ZFPM2: variants seen among roughly 807,000 people sequenced by gnomAD.
ZFPM2 encodes the protein zinc finger protein ZFPM2.
A neutral mutation model predicts 98.6 loss-of-function variants in ZFPM2; 20 were observed. That is an observed-to-expected ratio of 0.20 (90% confidence interval 0.14 to 0.29). The LOEUF is 0.29. Ranked by LOEUF, ZFPM2 falls within the 10% of genes least tolerant of loss-of-function variation. The pLI is 1.00. For missense variants in ZFPM2, 1,310 were observed against 1,388.6 expected (o/e 0.94, Z 0.90); for synonymous variants, 518 against 502.7 (o/e 1.03, Z -0.41).
At chr8:105,458,214 G>T (rs1385925407) in intron 3 of ZFPM2, among the ~76,000 whole-genome samples, 2 of 152,144 alleles carry the variant, frequency 1.3e-5, no homozygotes, top group Non-Finnish European at 2.9e-5. Context: ...GCAAAGTGTT[G>T]CATGTTTTCA....
chr8:105,510,226 T>TA (rs1813788194), intron 3 of ZFPM2, among the ~76,000 whole-genome samples: 1 of 152,138 alleles, frequency 6.6e-6, no homozygotes, highest in Non-Finnish European at 1.5e-5. Context: ...TGGAGACTGT[T>TA]AAAGAGCCAA....
chr8:105,360,457 A>G (rs933328823), intron 1 of ZFPM2, among the ~76,000 whole-genome samples: 2 of 152,086 alleles, frequency 1.3e-5, no homozygotes, highest in Non-Finnish European at 2.9e-5. Flanking sequence ...AAGAATGGGG[A>G]ACATACTTTT....
At chr8:105,750,223 A>G (rs537731917) in intron 5 of ZFPM2, among the ~76,000 whole-genome samples, 9 of 152,146 alleles carry the variant, frequency 5.9e-5, no homozygotes, top group East Asian at 3.9e-4. Flanking sequence ...CCTATCCTCA[A>G]AGAACTCATA....
intron 1 of ZFPM2, among the ~76,000 whole-genome samples, chr8:105,323,339 A>C (rs78130343): frequency 0.016 from 2,411 of 151,490 alleles, 105 homozygotes; most frequent in Admixed American, 0.066. Context: ...CAAATAAGTT[A>C]TTTTTTTTCT....
At chr8:105,751,197 T>A (rs1812467960) in intron 5 of ZFPM2, among the ~76,000 whole-genome samples, 3 of 152,134 alleles carry the variant, frequency 2.0e-5, no homozygotes, top group African/African-American at 7.2e-5. Context: ...TTTCTACCTT[T>A]ACAAACTGTG....
At chr8:105,345,425 C>CTTTTTTTTTTTTGTT (rs1812504626) in intron 1 of ZFPM2, among the ~76,000 whole-genome samples, 1 of 98,360 alleles carries the variant, frequency 1.0e-5, no homozygotes, top group Non-Finnish European at 2.0e-5. Flanking sequence ...TCGTGATGTT[C>CTTTTTTTTTTTTGTT]TTTTTTTTTT....
chr8:105,718,563 A>G (rs1461796198), intron 5 of ZFPM2, among the ~76,000 whole-genome samples: 2 of 152,016 alleles, frequency 1.3e-5, no homozygotes, highest in Non-Finnish European at 2.9e-5. Context: ...CAAGTTTAAG[A>G]CACTAATTGA....
At chr8:105,393,390 C>CTTTCTTTCT (rs1554600712) in intron 1 of ZFPM2, among the ~76,000 whole-genome samples, 1 of 134,506 alleles carries the variant, frequency 7.4e-6, no homozygotes, top group Non-Finnish European at 1.6e-5. Context: ...TTCTTTCTTT[C>CTTTCTTTCT]TTCTTCAGAA....
At chr8:105,627,520 C>T (rs1485121736) in intron 4 of ZFPM2, among the ~76,000 whole-genome samples, 2 of 151,982 alleles carry the variant, frequency 1.3e-5, no homozygotes, top group Non-Finnish European at 2.9e-5. Context: ...TAGATACAGA[C>T]AAAATACAAA....
At chr8:105,677,522 G>A (rs930999894) in intron 5 of ZFPM2, among the ~76,000 whole-genome samples, 3 of 151,048 alleles carry the variant, frequency 2.0e-5, no homozygotes, top group African/African-American at 7.3e-5. Context: ...AGTGTCTCTG[G>A]TTTCTTTTCC....
At chr8:105,648,014 T>A (rs1032970011) in intron 5 of ZFPM2, among the ~76,000 whole-genome samples, 3 of 152,184 alleles carry the variant, frequency 2.0e-5, no homozygotes, top group Non-Finnish European at 2.9e-5. Flanking sequence ...AGTGTTCCTA[T>A]TTCTCCACAT....
chr8:105,751,836 A>G (rs1046372363), intron 5 of ZFPM2, among the ~76,000 whole-genome samples: 1 of 151,634 alleles, frequency 6.6e-6, no homozygotes, highest in Non-Finnish European at 1.5e-5. Flanking sequence ...TGTCTTAGTT[A>G]TATTTTGAAG....
chr8:105,388,944 G>C (rs1451014146), intron 1 of ZFPM2, among the ~76,000 whole-genome samples: 2 of 151,718 alleles, frequency 1.3e-5, no homozygotes, highest in African/African-American at 4.8e-5. Flanking sequence ...ATGGCCCTAT[G>C]AAAAGGAGAG....
chr8:105,660,951 G>T (rs542311586), intron 5 of ZFPM2, among the ~76,000 whole-genome samples: 79 of 152,212 alleles, frequency 5.2e-4, no homozygotes, highest in Middle Eastern at 6.8e-3. Context: ...TACCCTAGTG[G>T]TCTAAAGAAG....
At chr8:105,553,693 T>C (rs1814917397) in intron 3 of ZFPM2, among the ~76,000 whole-genome samples, 1 of 152,164 alleles carries the variant, frequency 6.6e-6, no homozygotes, top group African/African-American at 2.4e-5. Flanking sequence ...TTACCTAGGG[T>C]GAGCATTTTT....
chr8:105,351,939 C>A (rs1336825309), intron 1 of ZFPM2, among the ~76,000 whole-genome samples: 6 of 152,112 alleles, frequency 3.9e-5, no homozygotes, highest in Non-Finnish European at 5.9e-5. Context: ...GCATCAGCAT[C>A]CCCTCAGAGC....
At chr8:105,639,686 GAT>G (rs904557466) in intron 5 of ZFPM2, among the ~76,000 whole-genome samples, 8 of 152,018 alleles carry the variant, frequency 5.3e-5, no homozygotes, top group African/African-American at 1.9e-4. Flanking sequence ...TTATGTTGCT[GAT>G]TATCATACAA....
At chr8:105,667,339 C>A (rs1817509156) in intron 5 of ZFPM2, among the ~76,000 whole-genome samples, 2 of 151,980 alleles carry the variant, frequency 1.3e-5, no homozygotes, top group African/African-American at 4.8e-5. Flanking sequence ...ATGAAATGTA[C>A]CAACAATGGG....
intron 3 of ZFPM2, among the ~76,000 whole-genome samples, chr8:105,537,727 TTTC>T (rs961431658): frequency 3.0e-4 from 46 of 152,026 alleles, no homozygotes; most frequent in African/African-American, 1.1e-3. Flanking sequence ...TTTTTTCTTT[TTTC>T]TTCTTCTTTA....
Sources: allele counts gnomAD v4.1 joint callset (sites outside exome capture counted in the v4.1 genomes callset), GRCh38; gene constraint gnomAD v4.1.1; transcripts MANE v1.5; gene names NCBI Gene and HGNC (gene_info 2026-07-23, HGNC 2026-07-21).